The following ITFG1 variants were observed in gnomAD, a reference collection of about 807,000 sequenced individuals.
ITFG1 encodes the protein integrin alpha FG-GAP repeat containing 1.
In ITFG1, 34 loss-of-function variants were observed where a neutral mutation model predicts 81.8. That is an observed-to-expected ratio of 0.42 (90% CI 0.32 to 0.55). The LOEUF (loss-of-function observed/expected upper bound fraction) is 0.55. Ranked by LOEUF, ITFG1 falls within the 20% of genes least tolerant of loss-of-function variation. The pLI is 0.17. For synonymous variants in ITFG1, 285 were observed against 270.6 expected, an observed-to-expected ratio of 1.05 and a Z score of -0.52; for missense variants, 672 against 755.4, an observed-to-expected ratio of 0.89 and a Z score of 1.29.
intron 14 of ITFG1, among the ~76,000 whole-genome samples, chr16:47,179,827 T>C (rs961118732): frequency 6.6e-6 from 1 of 152,180 alleles, no homozygotes. Flanking sequence ...GCTGAGTTCT[T>C]AGATTTTTGG....
At chr16:47,363,749 G>A (rs912335962) in intron 8 of ITFG1, among the ~76,000 whole-genome samples, 4 of 152,008 alleles carry the variant, frequency 2.6e-5, no homozygotes, top group African/African-American at 9.7e-5. Flanking sequence ...ACAAAATTTG[G>A]AAAATAGGGA....
intron 6 of ITFG1, among the ~76,000 whole-genome samples, chr16:47,391,577 G>A (rs886560840): frequency 6.6e-6 from 1 of 152,114 alleles, no homozygotes; most frequent in Non-Finnish European, 1.5e-5. Flanking sequence ...ATATTTTGCA[G>A]CATATATAGT....
At chr16:47,278,150 G>A (rs1966417046) in intron 10 of ITFG1, among the ~76,000 whole-genome samples, 1 of 152,126 alleles carries the variant, frequency 6.6e-6, no homozygotes, top group Non-Finnish European at 1.5e-5. Flanking sequence ...TTTATTTAAA[G>A]CAGTCTTACT....
chr16:47,386,182 A>T (rs1376930468), intron 6 of ITFG1, among the ~76,000 whole-genome samples: 1 of 151,918 alleles, frequency 6.6e-6, no homozygotes, highest in African/African-American at 2.4e-5. Flanking sequence ...GGAAATTATT[A>T]AAAAAAAATT....
chr16:47,430,112 C>G (rs1223862847), intron 5 of ITFG1, among the ~76,000 whole-genome samples: 1 of 145,534 alleles, frequency 6.9e-6, no homozygotes, highest in Non-Finnish European at 1.5e-5. Flanking sequence ...GGTTGTAGTG[C>G]AGTGGTGCGA....
intron 6 of ITFG1, among the ~76,000 whole-genome samples, chr16:47,405,835 G>T (rs1427183285): frequency 1.3e-5 from 2 of 151,730 alleles, no homozygotes; most frequent in Non-Finnish European, 2.9e-5. Context: ...TGACTTTTTG[G>T]GGGGATGAAT....
intron 4 of ITFG1, among the ~76,000 whole-genome samples, chr16:47,452,088 A>G (rs984614123): frequency 1.3e-5 from 2 of 152,222 alleles, no homozygotes; most frequent in African/African-American, 4.8e-5. Flanking sequence ...GGCACCGTTA[A>G]GAAGATTAAT....
chr16:47,459,311 C>T (rs919535398), intron 1 of ITFG1, 136 bp from the exon 2 acceptor site: 75 of 626,110 alleles, frequency 1.2e-4, no homozygotes, highest in South Asian at 1.1e-4. Context: ...CCCTCTCAAG[C>T]ATAGTCCCAC....
chr16:47,296,141 G>T (rs1966978139), intron 10 of ITFG1, among the ~76,000 whole-genome samples: 1 of 151,206 alleles, frequency 6.6e-6, no homozygotes, highest in East Asian at 1.9e-4. Context: ...TCGCTATGTT[G>T]GCCAGACTGG....
At chr16:47,199,608 G>A (rs1315027738) in intron 14 of ITFG1, among the ~76,000 whole-genome samples, 1 of 152,174 alleles carries the variant, frequency 6.6e-6, no homozygotes, top group Non-Finnish European at 1.5e-5. Context: ...GGCTATAGCA[G>A]CAGTCCCCAA....
intron 8 of ITFG1, among the ~76,000 whole-genome samples, chr16:47,362,110 A>C (rs1968117241): frequency 6.6e-6 from 1 of 152,128 alleles, no homozygotes. Flanking sequence ...ATTCAGAGTC[A>C]ATTTTTTACT....
chr16:47,363,383 T>C (rs1039052156), intron 8 of ITFG1, among the ~76,000 whole-genome samples: 7 of 152,180 alleles, frequency 4.6e-5, no homozygotes, highest in Non-Finnish European at 2.9e-5. Context: ...AAAAATTTTT[T>C]TTAGAGATGA....
At chr16:47,212,015 C>T (rs1965568669) in intron 14 of ITFG1, among the ~76,000 whole-genome samples, 1 of 151,916 alleles carries the variant, frequency 6.6e-6, no homozygotes, top group South Asian at 2.1e-4. Context: ...CCCACATCGG[C>T]CTCCCAAAGT....
At chr16:47,281,945 T>C (rs985618565) in intron 10 of ITFG1, among the ~76,000 whole-genome samples, 1 of 152,078 alleles carries the variant, frequency 6.6e-6, no homozygotes, top group Non-Finnish European at 1.5e-5. Flanking sequence ...TCTGGGCTTT[T>C]AGTATACAAT....
intron 14 of ITFG1, among the ~76,000 whole-genome samples, chr16:47,166,535 AGAAAAATGATG>A (rs1446691275): frequency 5.9e-5 from 9 of 152,360 alleles, no homozygotes; most frequent in Admixed American, 4.6e-4. Context: ...ATAAGCAGAG[AGAAAAATGATG>A]GAAACACCAA....
chr16:47,304,129 C>G (rs1967121400), intron 10 of ITFG1, among the ~76,000 whole-genome samples: 2 of 152,268 alleles, frequency 1.3e-5, no homozygotes, highest in Non-Finnish European at 2.9e-5. Flanking sequence ...AATGAAATAG[C>G]CATCAGTTCT....
chr16:47,345,832 A>G (rs1967846667), intron 8 of ITFG1, among the ~76,000 whole-genome samples: 1 of 152,250 alleles, frequency 6.6e-6, no homozygotes, highest in African/African-American at 2.4e-5. Flanking sequence ...GTGGTTGACC[A>G]AAATGGCACA....
intron 8 of ITFG1, among the ~76,000 whole-genome samples, chr16:47,316,353 A>C (rs1474398298): frequency 6.6e-6 from 1 of 152,142 alleles, no homozygotes; most frequent in African/African-American, 2.4e-5. Context: ...CCTTTTACAA[A>C]ATTATTTGTG....
At chr16:47,208,666 C>T (rs1254978076) in intron 14 of ITFG1, among the ~76,000 whole-genome samples, 1 of 152,132 alleles carries the variant, frequency 6.6e-6, no homozygotes, top group African/African-American at 2.4e-5. Context: ...AGTGTGACTC[C>T]ATGTTTCTCC....
Sources: allele counts gnomAD v4.1 joint callset (sites outside exome capture counted in the v4.1 genomes callset), GRCh38; gene constraint gnomAD v4.1.1; transcripts MANE v1.5; gene names NCBI Gene and HGNC (gene_info 2026-07-23, HGNC 2026-07-21).